TUSC3: variants seen among roughly 807,000 people sequenced by gnomAD.
TUSC3 encodes the protein tumor suppressor candidate 3.
TUSC3 carries 45 observed loss-of-function variants against 44.8 expected under a neutral mutation model. That is an observed-to-expected ratio of 1.00 (90% confidence interval 0.79 to 1.29). TUSC3 has a LOEUF of 1.29. TUSC3 is among the 50% of genes most tolerant of loss of function. TUSC3 has a pLI of 0.00. For synonymous variants in TUSC3, 212 were observed against 152.9 expected (o/e 1.39, Z -2.85); for missense variants, 519 against 437.9 (o/e 1.19, Z -1.65).
At chr8:15,685,656 G>C (rs1808597726) in intron 6 of TUSC3, among the ~76,000 whole-genome samples, 1 of 152,060 alleles carries the variant, frequency 6.6e-6, no homozygotes, top group African/African-American at 2.4e-5. Context: ...AACATCAACA[G>C]TGTACACTTG....
chr8:15,463,323 A>C (rs970994558), intron 1 of TUSC3, among the ~76,000 whole-genome samples: 1 of 152,164 alleles, frequency 6.6e-6, no homozygotes, highest in African/African-American at 2.4e-5. Flanking sequence ...CGTCATCACT[A>C]TGAATCACAT....
At chr8:15,617,736 T>G (rs1249616889) in intron 1 of TUSC3, among the ~76,000 whole-genome samples, 1 of 152,236 alleles carries the variant, frequency 6.6e-6, no homozygotes, top group African/African-American at 2.4e-5. Context: ...AAGTTATGTT[T>G]ACGTTAGTAA....
intron 2 of TUSC3, among the ~76,000 whole-genome samples, chr8:15,492,875 G>C (rs528244703): frequency 6.6e-6 from 1 of 151,726 alleles, no homozygotes; most frequent in South Asian, 2.1e-4. Flanking sequence ...TTATAATTAG[G>C]TAGTTGATTA....
chr8:15,806,811 A>G, the TUSC3 span: 2 of 877,756 alleles, frequency 2.3e-6, no homozygotes, highest in East Asian at 2.4e-5. Flanking sequence ...ATTTGTGAAG[A>G]AATGAACTTT....
At chr8:15,800,849 C>T in the TUSC3 span, among the ~76,000 whole-genome samples, 1 of 152,134 alleles carries the variant, frequency 6.6e-6, no homozygotes, top group African/African-American at 2.4e-5. Context: ...CTATTGGTCT[C>T]CCTCCACACC....
the TUSC3 span, among the ~76,000 whole-genome samples, chr8:15,818,570 A>G: frequency 1.3e-5 from 2 of 152,222 alleles, no homozygotes; most frequent in Non-Finnish European, 2.9e-5. Context: ...TAAAGAGTAG[A>G]GAAATCTTTT....
At chr8:15,644,558 C>G (rs2129173006) in intron 2 of TUSC3, among the ~76,000 whole-genome samples, 1 of 152,170 alleles carries the variant, frequency 6.6e-6, no homozygotes, top group South Asian at 2.1e-4. Context: ...ATTCAAGGAT[C>G]CTCTGAATTT....
the TUSC3 span, chr8:15,806,690 T>G: frequency 2.1e-6 from 2 of 945,488 alleles, no homozygotes; most frequent in Non-Finnish European, 3.4e-6. Context: ...ATGGATACAT[T>G]TGTAATCAAA....
rs1056267199 is a variant in TUSC3, at chr8:15,657,061, C to A, written c.427-2446C>A. ...ACGTCCCATAGATACCCCAGGTTTTCCCCCAAAGAGCTCTGAAATGCCTTC... is the reference window on the plus strand; with the variant it reads ...ACGTCCCATAGATACCCCAGGTTTTACCCCAAAGAGCTCTGAAATGCCTTC... On this transcript the variant is annotated intron_variant, in intron 3 of 10. Coordinates refer to ENST00000503731, the MANE Select transcript of TUSC3 (RefSeq NM_006765.4). Among the ~76,000 whole-genome samples the A allele has an allele frequency of 2.6e-5, 4 of 152,274 alleles. No individual in the cohort carries two copies. In the East Asian group the frequency reaches 7.7e-4, roughly 29 times the overall value.
rs541811705 is a variant in TUSC3, at chr8:15,481,920, C to A, written n.92-1466C>A. ...GAAGTTTGCTCCATTGATTGACTCT[C>A]ATGAAAGACTTCTCCACAGCATGTG... is the stretch of plus-strand genomic sequence containing the variant. On this transcript the variant is annotated intron_variant and non_coding_transcript_variant, in intron 1 of 5. Coordinates refer to the TUSC3 transcript ENST00000503191. Among the ~76,000 whole-genome samples the A allele has an allele frequency of 3.3e-5, 5 of 152,274 alleles. No homozygotes were observed. In the East Asian group the frequency reaches 7.7e-4, roughly 24 times the overall value.
chr8:15,826,839 G>A, the TUSC3 span, among the ~76,000 whole-genome samples: 2 of 152,154 alleles, frequency 1.3e-5, no homozygotes, highest in African/African-American at 2.4e-5. Context: ...ACTAGGAGGG[G>A]GCATCTTATG....
rs567475529 is a variant in TUSC3, at chr8:15,548,307, C to A, written c.138+7739C>A. ...TATTGAGAGAAGCTGGGACACTTGC[C>A]AGCCCTAAGCAATAATTTCTATCAG... is the stretch of plus-strand genomic sequence containing the variant. On this transcript the variant is annotated intron_variant, in intron 1 of 10. Transcript: ENST00000503731. Among the ~76,000 whole-genome samples, 2 of 151,928 alleles carry A rather than the reference C, an allele frequency of 1.3e-5. 1 individual carries two copies. Among genetic ancestry groups the A allele is most frequent in the Admixed American group, 1.3e-4 (2 of 15,224 alleles).
rs186898524 is a variant in TUSC3, at chr8:15,765,870, G to C, written c.*1714G>C. 1.3e-5 allele frequency: 2 copies of C among 151,974 alleles called. No homozygotes were observed. Among genetic ancestry groups the C allele is most frequent in the East Asian group, 1.9e-4 (1 of 5,156 alleles). 9.4% of individuals were successfully genotyped at this position (151,974 alleles called of 1,614,324 possible). ...AAAACTTCATACATAGAGACTCTCA[G>C]GTCAAATTTTACAAGTATTAAACAT... is the stretch of plus-strand genomic sequence containing the variant. On this transcript the variant is annotated 3_prime_UTR_variant, in exon 11 of 11. Transcript: ENST00000503731.
Position 15,764,201 on chromosome 8 carries a change from A to G in TUSC3, c.*47-2A>G, listed in dbSNP as rs1290471854. On this transcript the variant is annotated splice_acceptor_variant, in intron 10 of 10. Transcript: ENST00000503731. LOFTEE classifies it low-confidence loss of function (3UTR_SPLICE). ...CACATAATAATTTTCTTTCTTTTTC[A>G]GCTTTTTAATTAAATGAAGCCAAGT... 6.2e-7 allele frequency: 1 copy of G among 1,605,556 alleles called. No individual in the cohort carries two copies. Among genetic ancestry groups the G allele is most frequent in the African/African-American group, 1.3e-5 (1 of 74,752 alleles).
At chr8:15,738,659 T>C (rs186543671) in intron 7 of TUSC3, among the ~76,000 whole-genome samples, 2 of 152,222 alleles carry the variant, frequency 1.3e-5, no homozygotes, top group Non-Finnish European at 2.9e-5. Flanking sequence ...TCCACACTTT[T>C]ATTAACTCAC....
At chr8:15,852,001 G>A in the TUSC3 span, among the ~76,000 whole-genome samples, 8,788 of 152,158 alleles carry the variant, frequency 0.058, 317 homozygotes, top group South Asian at 0.078. Flanking sequence ...CCCGCCATGT[G>A]AGATGTGCCT....
intron 2 of TUSC3, among the ~76,000 whole-genome samples, chr8:15,486,265 C>T (rs1226221410): frequency 6.6e-6 from 1 of 152,160 alleles, no homozygotes; most frequent in African/African-American, 2.4e-5. Context: ...CAGTTATTCA[C>T]AGTTAATATA....
chr8:15,561,994 G>A lies in TUSC3; in HGVS notation c.138+21426G>A, dbSNP rs1040280904. Among the ~76,000 whole-genome samples, 4 of 152,152 alleles carry A rather than the reference G, an allele frequency of 2.6e-5. 1 individual carries two copies. In the South Asian group the frequency reaches 8.3e-4, roughly 32 times the overall value. On this transcript the variant is annotated intron_variant, in intron 1 of 10. Coordinates refer to ENST00000503731, the MANE Select transcript of TUSC3 (RefSeq NM_006765.4). ...TTGCTCAGGCTGGGAGCTGTAGACA[G>A]GAGCTGTTCCTATTCGGCCATCTTG...
chr8:15,494,588 A>G (rs1180626047), intron 2 of TUSC3, among the ~76,000 whole-genome samples: 2 of 152,162 alleles, frequency 1.3e-5, no homozygotes, highest in African/African-American at 4.8e-5. Flanking sequence ...AAGTGCTGGG[A>G]TTAGAGGCGT....
Sources: gnomAD v4.1 joint callset for allele counts (sites outside exome capture counted in the v4.1 genomes callset) on GRCh38, gnomAD v4.1.1 for gene constraint, MANE v1.5 for transcripts, NCBI Gene and HGNC (gene_info 2026-07-23, HGNC 2026-07-21) for gene names.